The following LGSN variants were observed in gnomAD, a reference collection of about 807,000 sequenced individuals.
LGSN encodes lengsin, lens protein with glutamine synthetase domain.
Under a neutral mutation model 19.5 loss-of-function variants are expected in LGSN, and 21 were observed. The ratio of observed to expected loss-of-function variants is 1.07; its 90% CI spans 0.76 to 1.55. The LOEUF is 1.55. Ranked by LOEUF, LGSN falls within the 40% of genes most tolerant of loss-of-function variation. The pLI is 0.00. For missense variants in LGSN, 673 were observed against 608.5 expected, an observed-to-expected ratio of 1.11 and a Z score of -1.12; for synonymous variants, 257 against 215.6, an observed-to-expected ratio of 1.19 and a Z score of -1.68.
At chr6:63,480,986 T>TATATAC in the LGSN span, among the ~76,000 whole-genome samples, 7 of 44,078 alleles carry the variant, frequency 1.6e-4, no homozygotes, top group Non-Finnish European at 2.9e-4. Context: ...TATATATATA[T>TATATAC]ACACACACAC....
chr6:63,542,335 G>A, the LGSN span, among the ~76,000 whole-genome samples: 5 of 151,884 alleles, frequency 3.3e-5, no homozygotes, highest in East Asian at 1.9e-4. Flanking sequence ...TATACTGCTC[G>A]GGTGATGGGT....
the LGSN span, among the ~76,000 whole-genome samples, chr6:63,546,586 A>G: frequency 3.3e-4 from 50 of 152,272 alleles, no homozygotes; most frequent in East Asian, 6.6e-3. Context: ...CATGCCTGTA[A>G]TCCCAGCTAC....
chr6:63,547,822 T>C, the LGSN span, among the ~76,000 whole-genome samples: 1 of 152,092 alleles, frequency 6.6e-6, no homozygotes, highest in Non-Finnish European at 1.5e-5. Flanking sequence ...AGGGGGGGAT[T>C]TGTTAATGCT....
At chr6:63,331,385 G>A in the LGSN span, among the ~76,000 whole-genome samples, 1 of 152,178 alleles carries the variant, frequency 6.6e-6, no homozygotes. Flanking sequence ...TTATCAGAGA[G>A]AGAATATTGG....
chr6:63,558,160 G>A, the LGSN span, among the ~76,000 whole-genome samples: 1 of 152,074 alleles, frequency 6.6e-6, no homozygotes, highest in Admixed American at 6.6e-5. Context: ...GTGAGCCACC[G>A]TGCCCGGCCA....
At chr6:63,573,506 G>A in the LGSN span, 2 of 152,096 alleles carry the variant, frequency 1.3e-5, no homozygotes, top group Non-Finnish European at 1.5e-5. Context: ...GCGGAGAGGG[G>A]GCGCAGCGGG....
the LGSN span, chr6:63,443,610 A>G: frequency 1.1e-5 from 11 of 1,041,688 alleles, no homozygotes; most frequent in East Asian, 8.0e-4. Context: ...GCTGCCTCCC[A>G]GCCTTGGAGC....
the LGSN span, among the ~76,000 whole-genome samples, chr6:63,460,262 T>C: frequency 6.6e-6 from 1 of 151,802 alleles, no homozygotes; most frequent in Non-Finnish European, 1.5e-5. Context: ...CCGGCCCCAT[T>C]CCCTAGCTTT....
At chr6:63,400,421 C>A in the LGSN span, among the ~76,000 whole-genome samples, 4 of 152,204 alleles carry the variant, frequency 2.6e-5, no homozygotes, top group African/African-American at 9.6e-5. Flanking sequence ...GGATAAAGTG[C>A]ACCTCCAGGA....
At chr6:63,355,785 TCTC>T in the LGSN span, among the ~76,000 whole-genome samples, 2 of 152,178 alleles carry the variant, frequency 1.3e-5, no homozygotes, top group African/African-American at 4.8e-5. Context: ...TACAAGCAAT[TCTC>T]CTGTCTCAGC....
the LGSN span, among the ~76,000 whole-genome samples, chr6:63,442,524 T>C: frequency 6.6e-6 from 1 of 152,204 alleles, no homozygotes; most frequent in Non-Finnish European, 1.5e-5. Context: ...ATCCTCTAGC[T>C]AGACATAAAA....
the LGSN span, among the ~76,000 whole-genome samples, chr6:63,360,069 G>A: frequency 2.1e-4 from 32 of 152,044 alleles, no homozygotes; most frequent in African/African-American, 6.5e-4. Flanking sequence ...TGAGTAACCC[G>A]ACCTTTCTCT....
upstream of LGSN, among the ~76,000 whole-genome samples, chr6:63,322,555 A>T (rs1371442733): frequency 6.6e-6 from 1 of 152,166 alleles, no homozygotes; most frequent in Non-Finnish European, 1.5e-5. Flanking sequence ...TCTAATTATG[A>T]CATACCTAAC....
the LGSN span, among the ~76,000 whole-genome samples, chr6:63,484,596 T>C: frequency 6.9e-6 from 1 of 144,810 alleles, no homozygotes; most frequent in African/African-American, 2.7e-5. Context: ...AGTAAAGATG[T>C]AGCAGACAAA....
At chr6:63,314,678 G>A (rs1454023846) in intron 1 of LGSN, among the ~76,000 whole-genome samples, 1 of 152,162 alleles carries the variant, frequency 6.6e-6, no homozygotes, top group Non-Finnish European at 1.5e-5. Context: ...AAGGTGGAGG[G>A]TTGTGATGCT....
At chr6:63,438,071 A>G in the LGSN span, among the ~76,000 whole-genome samples, 1 of 152,160 alleles carries the variant, frequency 6.6e-6, no homozygotes, top group South Asian at 2.1e-4. Context: ...ACTAAAGACT[A>G]TTTGGCATTT....
chr6:63,462,686 C>A, the LGSN span, among the ~76,000 whole-genome samples: 2 of 152,184 alleles, frequency 1.3e-5, no homozygotes, highest in African/African-American at 4.8e-5. Flanking sequence ...CACTCACATG[C>A]CTCTAACAAC....
the LGSN span, among the ~76,000 whole-genome samples, chr6:63,429,603 G>A: frequency 7.2e-5 from 11 of 152,094 alleles, no homozygotes; most frequent in South Asian, 2.1e-4. Context: ...GAGTGTGGTC[G>A]CGGGCGCCTG....
chr6:63,358,633 T>A, the LGSN span, among the ~76,000 whole-genome samples: 1 of 152,224 alleles, frequency 6.6e-6, no homozygotes, highest in African/African-American at 2.4e-5. Context: ...GCTTTCTGTT[T>A]GTCTGTTATT....
Sources: allele counts gnomAD v4.1 joint callset (sites outside exome capture counted in the v4.1 genomes callset), GRCh38; gene constraint gnomAD v4.1.1; transcripts MANE v1.5; gene names NCBI Gene and HGNC (gene_info 2026-07-23, HGNC 2026-07-21).